The following DPT variants were observed in gnomAD, a reference collection of about 807,000 sequenced individuals.
The protein encoded by DPT is tyrosine-rich acidic matrix protein.
Under a neutral mutation model 31.2 loss-of-function variants are expected in DPT, and 21 were observed. The observed-to-expected ratio is 0.67, with a 90% confidence interval of 0.48 to 0.97. The LOEUF is 0.97. Among genes scored for constraint, DPT ranks in the 50% least tolerant of loss-of-function variants. DPT has a pLI of 0.00. For synonymous variants in DPT, 91 were observed against 86.9 expected, an observed-to-expected ratio of 1.05 and a Z score of -0.26; for missense variants, 262 against 258.8, an observed-to-expected ratio of 1.01 and a Z score of -0.08.
chr1:168,714,810 G>T lies in DPT; in HGVS notation c.306-464C>A, dbSNP rs146162806. ...TTCTTCTGCCTAAGAGAAGAGCCCT[G>T]GAAATTGAGCACAAGGATGATCATT... On this transcript the variant is annotated intron_variant, in intron 1 of 3. Coordinates refer to ENST00000367817, the MANE Select transcript of DPT (RefSeq NM_001937.5). Among the ~76,000 whole-genome samples, 223 of 152,336 alleles carry T rather than the reference G, an allele frequency of 1.5e-3. 1 individual carries two copies. The highest frequency in any genetic ancestry group is 5.1e-3 in the African/African-American group (214 of 41,578).
intron 1 of DPT, among the ~76,000 whole-genome samples, chr1:168,727,831 A>G (rs1650284257): frequency 6.6e-6 from 1 of 151,492 alleles, no homozygotes; most frequent in African/African-American, 2.4e-5. Context: ...GAGCCACCAC[A>G]CCTGGCCAGA....
At chr1:168,717,636 C>T (rs974973402) in intron 1 of DPT, among the ~76,000 whole-genome samples, 4 of 152,142 alleles carry the variant, frequency 2.6e-5, no homozygotes, top group Admixed American at 6.5e-5. Flanking sequence ...TTGTCCATGC[C>T]TGTGTCCTGA....
At chr1:168,721,906 G>C (rs774619478) in intron 1 of DPT, among the ~76,000 whole-genome samples, 1 of 152,314 alleles carries the variant, frequency 6.6e-6, no homozygotes, top group Middle Eastern at 3.4e-3. Context: ...CCATGTCCAG[G>C]TTTTAAGTCT....
intron 2 of DPT, among the ~76,000 whole-genome samples, chr1:168,706,619 T>C (rs188388428): frequency 2.6e-5 from 4 of 152,218 alleles, no homozygotes; most frequent in Admixed American, 2.0e-4. Context: ...GCACAGAAAA[T>C]CTGAACCCAG....
At chr1:168,709,928 A>G (rs1045700740) in intron 2 of DPT, among the ~76,000 whole-genome samples, 2 of 152,246 alleles carry the variant, frequency 1.3e-5, no homozygotes, top group Non-Finnish European at 2.9e-5. Context: ...TGTCAACTAT[A>G]AAACATCATC....
At chr1:168,712,103 C>G (rs181093588) in intron 2 of DPT, among the ~76,000 whole-genome samples, 1 of 152,318 alleles carries the variant, frequency 6.6e-6, no homozygotes. Flanking sequence ...AAGCACTATA[C>G]TGGGCATTGA....
chr1:168,697,142 T>C (rs1316944294), intron 3 of DPT, among the ~76,000 whole-genome samples: 8 of 152,014 alleles, frequency 5.3e-5, no homozygotes, highest in Non-Finnish European at 1.0e-4. Flanking sequence ...TGCATGCCTG[T>C]AGTCCCAGCT....
At chr1:168,723,756 G>A (rs2101912686) in intron 1 of DPT, among the ~76,000 whole-genome samples, 1 of 152,270 alleles carries the variant, frequency 6.6e-6, no homozygotes, top group Admixed American at 6.5e-5. Context: ...TCTAGATTGT[G>A]CCCAAGACCC....
intron 1 of DPT, among the ~76,000 whole-genome samples, chr1:168,717,628 G>T (rs1650012954): frequency 6.6e-6 from 1 of 152,088 alleles, no homozygotes; most frequent in South Asian, 2.1e-4. Flanking sequence ...TGAAGTCTTT[G>T]TCCATGCCTG....
intron 2 of DPT, among the ~76,000 whole-genome samples, chr1:168,709,958 C>G (rs1003921141): frequency 5.9e-5 from 9 of 152,206 alleles, no homozygotes; most frequent in Non-Finnish European, 1.2e-4. Context: ...TCAGGTTTCA[C>G]CATTGTTACT....
chr1:168,722,689 C>A (rs1026628254), intron 1 of DPT, among the ~76,000 whole-genome samples: 2 of 152,152 alleles, frequency 1.3e-5, no homozygotes, highest in African/African-American at 2.4e-5. Flanking sequence ...ATTCTCACAA[C>A]AACAGTTCTA....
intron 2 of DPT, among the ~76,000 whole-genome samples, chr1:168,706,464 G>C (rs1409488977): frequency 6.6e-6 from 1 of 152,144 alleles, no homozygotes; most frequent in Admixed American, 6.5e-5. Flanking sequence ...CTTTGAATTA[G>C]TTTTGTAAAG....
intron 1 of DPT, among the ~76,000 whole-genome samples, chr1:168,714,975 C>G (rs1649947169): frequency 6.6e-6 from 1 of 150,880 alleles, no homozygotes; most frequent in South Asian, 2.1e-4. Context: ...AGACCATAAG[C>G]TCTACACAGC....
chr1:168,712,027 T>C (rs978460381), intron 2 of DPT, among the ~76,000 whole-genome samples: 6 of 152,172 alleles, frequency 3.9e-5, no homozygotes, highest in African/African-American at 1.4e-4. Flanking sequence ...CTTCACATTA[T>C]ATACACCCTC....
At chr1:168,714,033 G>T (rs1306450791) in intron 2 of DPT, among the ~76,000 whole-genome samples, 188 bp downstream of exon 2, 1 of 152,138 alleles carries the variant, frequency 6.6e-6, no homozygotes, top group Non-Finnish European at 1.5e-5. Flanking sequence ...GGATGTGGGG[G>T]GTTGGATAAC....
At chr1:168,728,070 C>T (rs1650289810) in intron 1 of DPT, among the ~76,000 whole-genome samples, 1 of 152,158 alleles carries the variant, frequency 6.6e-6, no homozygotes, top group South Asian at 2.1e-4. Flanking sequence ...GACCAAGCAC[C>T]TGGGCTGAGA....
chr1:168,702,253 C>T (rs1350083822), intron 2 of DPT, among the ~76,000 whole-genome samples: 6 of 152,228 alleles, frequency 3.9e-5, no homozygotes, highest in African/African-American at 1.4e-4. Context: ...ATCTTCTCCT[C>T]TGCAGACTGA....
At chr1:168,701,644 GT>G (rs1292873952) in intron 2 of DPT, among the ~76,000 whole-genome samples, 4 of 152,162 alleles carry the variant, frequency 2.6e-5, no homozygotes, top group Admixed American at 2.0e-4. Context: ...TATTGCGATA[GT>G]TTAATGTTTC....
intron 2 of DPT, among the ~76,000 whole-genome samples, chr1:168,707,641 A>G (rs1649751264): frequency 6.6e-6 from 1 of 152,170 alleles, no homozygotes; most frequent in Admixed American, 6.5e-5. Flanking sequence ...TAATCCCCAC[A>G]TGTCATGGAA....
Sources: allele counts gnomAD v4.1 joint callset (sites outside exome capture counted in the v4.1 genomes callset), GRCh38; gene constraint gnomAD v4.1.1; transcripts MANE v1.5; gene names NCBI Gene and HGNC (gene_info 2026-07-23, HGNC 2026-07-21).